MEIS1: variants seen among roughly 807,000 people sequenced by gnomAD.
MEIS1 encodes the protein Meis homeobox 1.
In MEIS1, 5 loss-of-function variants were observed where a neutral mutation model predicts 50.8. That is an observed-to-expected ratio of 0.10 (90% CI 0.05 to 0.21). The LOEUF is 0.21. MEIS1 is among the 10% of genes least tolerant of loss of function. MEIS1 has a pLI of 1.00. For synonymous variants in MEIS1, 176 were observed against 179.3 expected (o/e 0.98, Z 0.15); for missense variants, 318 against 517.3 (o/e 0.61, Z 3.74).
rs755829146 is a variant in MEIS1 at position 66,440,049 on chromosome 2, ACG to A, written c.381+82_381+83del. On this transcript the variant is annotated intron_variant, in intron 3 of 12. Transcript: ENST00000272369. ...GAGAGCCCCCCCTTCGCCAACACAC[ACG>A]CGCGCGCGCGCGCGCGAACACACAC... The A allele has an allele frequency of 3.9e-3, 4,036 of 1,033,836 alleles. 4 individuals are homozygous for A. The highest frequency in any genetic ancestry group is 0.011 in the East Asian group (307 of 28,054). The allele number at this position is 1,033,836 out of a possible 1,614,324, so 64.0% of individuals were successfully genotyped here.
At chr2:66,520,191 T>C (rs1349123617) in intron 8 of MEIS1, among the ~76,000 whole-genome samples, 2 of 152,052 alleles carry the variant, frequency 1.3e-5, no homozygotes, top group Non-Finnish European at 2.9e-5. Flanking sequence ...GAAAAGCCAG[T>C]TGGCCGGGCG....
At chr2:66,461,202 A>G (rs886075555) in intron 6 of MEIS1, among the ~76,000 whole-genome samples, 24 of 152,330 alleles carry the variant, frequency 1.6e-4, no homozygotes, top group African/African-American at 4.8e-4. Flanking sequence ...TCAGATGCAC[A>G]TATTTTATTT....
At chr2:66,440,083 A>ACC in intron 3 of MEIS1, 99 bp downstream of exon 3, 2 of 1,088,694 alleles carry the variant, frequency 1.8e-6, no homozygotes, top group Non-Finnish European at 2.6e-6. Flanking sequence ...ACACACACAC[A>ACC]CACACACACG....
chr2:66,534,310 C>A (rs964699441), intron 8 of MEIS1, among the ~76,000 whole-genome samples: 1 of 152,038 alleles, frequency 6.6e-6, no homozygotes, highest in Non-Finnish European at 1.5e-5. Flanking sequence ...CCAAGGCGGG[C>A]GGATCACGAG....
intron 7 of MEIS1, among the ~76,000 whole-genome samples, chr2:66,506,307 G>T (rs1172741823): frequency 6.6e-6 from 1 of 152,226 alleles, no homozygotes; most frequent in Admixed American, 6.5e-5. Flanking sequence ...TGGCCATTGA[G>T]CTGAGCTGTA....
At chr2:66,445,926 G>A (rs1672130918) in intron 6 of MEIS1, among the ~76,000 whole-genome samples, 2 of 152,162 alleles carry the variant, frequency 1.3e-5, no homozygotes, top group South Asian at 4.1e-4. Flanking sequence ...AGTCTTCCGG[G>A]CCGCCTGGAG....
At chr2:66,454,496 T>C (rs186484000) in intron 6 of MEIS1, among the ~76,000 whole-genome samples, 286 of 152,148 alleles carry the variant, frequency 1.9e-3, no homozygotes, top group Middle Eastern at 0.01. Flanking sequence ...AAGTACTTTT[T>C]CCCCACATTT....
At chr2:66,446,028 G>A (rs1434168803) in intron 6 of MEIS1, among the ~76,000 whole-genome samples, 2 of 152,116 alleles carry the variant, frequency 1.3e-5, no homozygotes, top group Non-Finnish European at 2.9e-5. Flanking sequence ...GGCTGTTCCG[G>A]GCTCCCAGAG....
intron 7 of MEIS1, among the ~76,000 whole-genome samples, chr2:66,481,850 CTTTTTTTTT>C (rs996753363): frequency 3.3e-5 from 3 of 90,182 alleles, no homozygotes; most frequent in Non-Finnish European, 2.2e-5. Context: ...TCTGATATTT[CTTTTTTTTT>C]TTTTTTTTTT....
At chr2:66,490,840 T>C (rs1333053144) in intron 7 of MEIS1, among the ~76,000 whole-genome samples, 1 of 152,146 alleles carries the variant, frequency 6.6e-6, no homozygotes, top group East Asian at 1.9e-4. Context: ...AAAAGCAAAA[T>C]AGCACTGTTA....
intron 7 of MEIS1, among the ~76,000 whole-genome samples, chr2:66,471,523 T>C (rs1489637884): frequency 6.6e-6 from 1 of 152,230 alleles, no homozygotes. Context: ...CCAACTCCGG[T>C]GTGACTTGTA....
chr2:66,489,721 A>G (rs1308802708), intron 7 of MEIS1, among the ~76,000 whole-genome samples: 1 of 152,216 alleles, frequency 6.6e-6, no homozygotes, highest in Non-Finnish European at 1.5e-5. Flanking sequence ...AAAATATTCC[A>G]TAGAGAGCCT....
chr2:66,454,057 C>T (rs1376455375), intron 6 of MEIS1, among the ~76,000 whole-genome samples: 1 of 151,970 alleles, frequency 6.6e-6, no homozygotes, highest in African/African-American at 2.4e-5. Flanking sequence ...GTCACTGCAC[C>T]TTGACGGGCC....
intron 6 of MEIS1, 59 bp from the exon 7 acceptor site, chr2:66,464,050 C>G (rs541832983): frequency 6.7e-5 from 83 of 1,242,302 alleles, no homozygotes; most frequent in Non-Finnish European, 7.3e-5. Context: ...GCCATGGGAT[C>G]CTACCAATAA....
chr2:66,473,052 T>C (rs1479958148), intron 7 of MEIS1, among the ~76,000 whole-genome samples: 2 of 152,034 alleles, frequency 1.3e-5, no homozygotes, highest in Admixed American at 6.6e-5. Context: ...TAAAATTCAA[T>C]CTTCTAAATA....
chr2:66,507,912 T>C (rs562869964), intron 7 of MEIS1, among the ~76,000 whole-genome samples: 11 of 152,352 alleles, frequency 7.2e-5, no homozygotes, highest in African/African-American at 2.6e-4. Context: ...TCACCTGCCT[T>C]GCTCCGTAGG....
chr2:66,569,637 C>T (rs1390656586), intron 12 of MEIS1: 1 of 152,814 alleles, frequency 6.5e-6, no homozygotes, highest in Non-Finnish European at 1.5e-5. Flanking sequence ...ATATTTTGAG[C>T]TCCAGTCAAC....
intron 9 of MEIS1, among the ~76,000 whole-genome samples, chr2:66,556,408 G>A (rs1388348646): frequency 6.6e-6 from 1 of 151,872 alleles, no homozygotes; most frequent in East Asian, 1.9e-4. Context: ...AGGTCTGGGG[G>A]AGATGATTGG....
At chr2:66,517,632 GT>G (rs1468307212) in intron 8 of MEIS1, among the ~76,000 whole-genome samples, 1 of 152,134 alleles carries the variant, frequency 6.6e-6, no homozygotes, top group Non-Finnish European at 1.5e-5. Flanking sequence ...TGTAGATAGC[GT>G]ATTTCAACTT....
Sources: gnomAD v4.1 joint callset for allele counts (sites outside exome capture counted in the v4.1 genomes callset) on GRCh38, gnomAD v4.1.1 for gene constraint, MANE v1.5 for transcripts, NCBI Gene and HGNC (gene_info 2026-07-23, HGNC 2026-07-21) for gene names.